IL1RAPL2: variants seen among roughly 807,000 people sequenced by gnomAD.
IL1RAPL2 encodes the protein X-linked interleukin-1 receptor accessory protein-like 2.
A neutral mutation model predicts 44.1 loss-of-function variants in IL1RAPL2; 3 were observed. The ratio of observed to expected loss-of-function variants is 0.07; its 90% CI spans 0.03 to 0.18. IL1RAPL2 has a LOEUF of 0.18. Ranked by LOEUF, IL1RAPL2 falls within the 10% of genes least tolerant of loss-of-function variation. The pLI, the probability that IL1RAPL2 is intolerant of heterozygous loss-of-function variation, is 1.00. For missense variants in IL1RAPL2, 391 were observed against 496.4 expected (o/e 0.79, Z 2.02); for synonymous variants, 181 against 178.8 (o/e 1.01, Z -0.10).
chrX:105,727,965 C>CTA (rs1283158419), intron 7 of IL1RAPL2, among the ~76,000 whole-genome samples: 1 of 111,454 alleles, frequency 9.0e-6, no homozygotes, highest in Non-Finnish European at 1.9e-5. Context: ...ACTCCCCCCA[C>CTA]TATCAATATC....
At chrX:105,686,861 A>G (rs185798977) in intron 6 of IL1RAPL2, among the ~76,000 whole-genome samples, 39 of 112,301 alleles carry the variant, frequency 3.5e-4, no homozygotes, top group African/African-American at 1.1e-3. Context: ...AACAGAAATC[A>G]CAACAAACAG....
At chrX:105,383,317 C>A (rs1298010712) in intron 5 of IL1RAPL2, among the ~76,000 whole-genome samples, 1 of 111,218 alleles carries the variant, frequency 9.0e-6, no homozygotes, top group Non-Finnish European at 1.9e-5. Flanking sequence ...TACATGAAAT[C>A]ATGTTTTAAC....
At chrX:105,270,099 A>G (rs753585919) in intron 5 of IL1RAPL2, among the ~76,000 whole-genome samples, 6 of 111,807 alleles carry the variant, frequency 5.4e-5, no homozygotes, top group East Asian at 2.8e-4. Flanking sequence ...GAAGATCTCT[A>G]AATACAGATC....
intron 5 of IL1RAPL2, among the ~76,000 whole-genome samples, chrX:105,313,135 G>A (rs922042149): frequency 9.0e-6 from 1 of 111,354 alleles, no homozygotes; most frequent in East Asian, 2.8e-4. Context: ...TCCCCATTCC[G>A]ACCCAGTACA....
At chrX:104,847,213 T>C (rs373525496) in intron 2 of IL1RAPL2, among the ~76,000 whole-genome samples, 38 of 112,005 alleles carry the variant, frequency 3.4e-4, no homozygotes, top group Non-Finnish European at 5.6e-4. Context: ...TCCCATTTGT[T>C]AATTTTGGCT....
chrX:104,944,156 C>T (rs767727941), intron 2 of IL1RAPL2, among the ~76,000 whole-genome samples: 1 of 111,554 alleles, frequency 9.0e-6, no homozygotes, highest in African/African-American at 3.2e-5. Flanking sequence ...TATCCACAAA[C>T]ATTTCCAACT....
chrX:104,954,597 A>G (rs1925665716), intron 2 of IL1RAPL2, among the ~76,000 whole-genome samples: 1 of 110,279 alleles, frequency 9.1e-6, no homozygotes, highest in Non-Finnish European at 1.9e-5. Context: ...GCTGGAGTGC[A>G]GTGGTGCAGT....
At chrX:105,077,732 G>A (rs372695543) in intron 2 of IL1RAPL2, among the ~76,000 whole-genome samples, 5 of 111,432 alleles carry the variant, frequency 4.5e-5, no homozygotes, top group East Asian at 2.8e-4. Context: ...TCTTGGAGGC[G>A]TTGTTCATTT....
At chrX:105,177,915 G>T (rs2147603563) in intron 2 of IL1RAPL2, among the ~76,000 whole-genome samples, 1 of 111,577 alleles carries the variant, frequency 9.0e-6, no homozygotes, top group South Asian at 3.8e-4. Context: ...CATAGGCTGT[G>T]TAATGATCAA....
At chrX:104,974,714 T>A (rs779455024) in intron 2 of IL1RAPL2, among the ~76,000 whole-genome samples, 1 of 112,200 alleles carries the variant, frequency 8.9e-6, no homozygotes. Flanking sequence ...AGAAAAATGT[T>A]CAAGCGGCTG....
intron 2 of IL1RAPL2, among the ~76,000 whole-genome samples, chrX:104,983,589 ATATATTATATGCATAATATATAATAT>A (rs1556024713): frequency 5.5e-5 from 5 of 90,359 alleles, no homozygotes; most frequent in African/African-American, 2.1e-4. Context: ...ATAATATATA[ATATATTATATGCATAATATATAATAT>A]TATATTATAT....
intron 1 of IL1RAPL2, among the ~76,000 whole-genome samples, chrX:104,587,795 C>A (rs1215794270): frequency 8.9e-6 from 1 of 111,778 alleles, no homozygotes; most frequent in Non-Finnish European, 1.9e-5. Flanking sequence ...AGTTGTATAG[C>A]CAGTTTACCA....
chrX:105,034,815 GT>G (rs763384724), intron 2 of IL1RAPL2, among the ~76,000 whole-genome samples: 4,281 of 112,207 alleles, frequency 0.038, 225 homozygotes, highest in African/African-American at 0.13. Flanking sequence ...CTGTCTTTTT[GT>G]TTGTCTGTGC....
chrX:105,721,595 C>A (rs1232107493), intron 7 of IL1RAPL2, among the ~76,000 whole-genome samples: 4 of 111,519 alleles, frequency 3.6e-5, no homozygotes, highest in Admixed American at 9.6e-5. Flanking sequence ...GGCACTGCTA[C>A]TCTCTCCAGC....
intron 2 of IL1RAPL2, among the ~76,000 whole-genome samples, chrX:105,096,214 A>G (rs1002136094): frequency 8.9e-6 from 1 of 111,761 alleles, no homozygotes; most frequent in African/African-American, 3.3e-5. Context: ...AGAAACTGGG[A>G]CCCTCATGCA....
At chrX:105,562,209 A>C in intron 6 of IL1RAPL2, among the ~76,000 whole-genome samples, 1 of 112,222 alleles carries the variant, frequency 8.9e-6, no homozygotes, top group East Asian at 2.8e-4. Flanking sequence ...ACCTGAAAAG[A>C]AAATTTAAAG....
At chrX:105,024,697 G>C (rs1354556978) in intron 2 of IL1RAPL2, among the ~76,000 whole-genome samples, 1 of 111,499 alleles carries the variant, frequency 9.0e-6, no homozygotes, top group Admixed American at 9.6e-5. Flanking sequence ...ATAACTGAAA[G>C]CTTTTACAAC....
intron 2 of IL1RAPL2, among the ~76,000 whole-genome samples, chrX:104,989,499 T>C (rs1345409624): frequency 2.7e-5 from 3 of 112,084 alleles, no homozygotes; most frequent in Non-Finnish European, 5.6e-5. Flanking sequence ...TGTGCATATG[T>C]AGCATATTTT....
intron 3 of IL1RAPL2, among the ~76,000 whole-genome samples, chrX:105,230,290 T>C (rs2034056618): frequency 9.0e-6 from 1 of 110,602 alleles, no homozygotes; most frequent in Admixed American, 9.7e-5. Flanking sequence ...TCTCTGGTAT[T>C]AGACCTTTTG....
Sources: allele counts gnomAD v4.1 joint callset (sites outside exome capture counted in the v4.1 genomes callset), GRCh38; gene constraint gnomAD v4.1.1; transcripts MANE v1.5; gene names NCBI Gene and HGNC (gene_info 2026-07-23, HGNC 2026-07-21).